Variants in ZNF91 observed in about 807,000 individuals in gnomAD.
ZNF91 encodes zinc finger protein 91, also known as zinc finger protein 91 (HPF7, HTF10).
A neutral mutation model predicts 12.6 loss-of-function variants in ZNF91; 7 were observed. That is an observed-to-expected ratio of 0.55 (90% CI 0.31 to 1.04). The LOEUF (loss-of-function observed/expected upper bound fraction) is 1.04. ZNF91 is among the 50% of genes least tolerant of loss of function. ZNF91 has a pLI of 0.05. For synonymous variants in ZNF91, 453 were observed against 462.6 expected (o/e 0.98, Z 0.27); for missense variants, 1,217 against 1,385.4 (o/e 0.88, Z 1.93).
At chr19:23,368,562 C>CTCTCTATATATA (rs768532900) in intron 3 of ZNF91, among the ~76,000 whole-genome samples, 7 of 118,630 alleles carry the variant, frequency 5.9e-5, no homozygotes, top group African/African-American at 2.0e-4. Context: ...CTCTCTCTCT[C>CTCTCTATATATA]TATATATATA....
chr19:23,326,053 T>G (rs1967830977), intron 1 of ZNF91: 1 of 152,290 alleles, frequency 6.6e-6, no homozygotes, highest in Non-Finnish European at 1.5e-5. Flanking sequence ...CTGCCTCTGT[T>G]GTTGCACGGG....
chr19:23,365,727 T>C (rs1389142421), intron 3 of ZNF91, among the ~76,000 whole-genome samples: 1 of 152,128 alleles, frequency 6.6e-6, no homozygotes, highest in Non-Finnish European at 1.5e-5. Flanking sequence ...TTCCGCAGTG[T>C]TTGTGTCCCT....
chr19:23,349,180 T>C (rs556387361), intron 3 of ZNF91, among the ~76,000 whole-genome samples: 11 of 152,276 alleles, frequency 7.2e-5, no homozygotes, highest in African/African-American at 2.6e-4. Context: ...TTGTGATCTT[T>C]TATTGCCCTT....
At chr19:23,388,970 G>C (rs572602460) in intron 1 of ZNF91, among the ~76,000 whole-genome samples, 22 of 152,140 alleles carry the variant, frequency 1.4e-4, no homozygotes, top group Non-Finnish European at 2.6e-4. Context: ...GAACACAGAG[G>C]GGAACAACAG....
At chr19:23,367,549 A>G (rs896739300) in intron 3 of ZNF91, among the ~76,000 whole-genome samples, 8 of 152,196 alleles carry the variant, frequency 5.3e-5, no homozygotes, top group African/African-American at 1.9e-4. Flanking sequence ...TTTTTAAAGA[A>G]ATACTGTTTG....
chr19:23,331,410 G>T (rs1211257176), intron 1 of ZNF91, among the ~76,000 whole-genome samples: 1 of 152,228 alleles, frequency 6.6e-6, no homozygotes, highest in Non-Finnish European at 1.5e-5. Flanking sequence ...TCTTAGGGTT[G>T]TCTGTAATAT....
At chr19:23,378,152 T>C (rs1969573622) in intron 1 of ZNF91, among the ~76,000 whole-genome samples, 1 of 152,246 alleles carries the variant, frequency 6.6e-6, no homozygotes, top group African/African-American at 2.4e-5. Flanking sequence ...ACACTGGTTT[T>C]AATATAAAAT....
intron 1 of ZNF91, chr19:23,385,294 C>A: frequency 2.1e-6 from 1 of 483,976 alleles, no homozygotes; most frequent in East Asian, 3.1e-5. Flanking sequence ...AAATAAGTAA[C>A]AGGATGCGAA....
chr19:23,336,013 G>A (rs143317287), downstream of ZNF91, among the ~76,000 whole-genome samples: 614 of 152,246 alleles, frequency 4.0e-3, 8 homozygotes, highest in African/African-American at 0.014. Flanking sequence ...GATAATTGTA[G>A]GGAAACAAGA....
intron 3 of ZNF91, among the ~76,000 whole-genome samples, chr19:23,366,163 A>ACCTC (rs1483710311): frequency 6.6e-6 from 1 of 151,414 alleles, no homozygotes; most frequent in Non-Finnish European, 1.5e-5. Flanking sequence ...GGCGCCCCTC[A>ACCTC]CCTCCCGGAT....
downstream of ZNF91, among the ~76,000 whole-genome samples, chr19:23,353,122 A>G (rs114817256): frequency 0.078 from 11,880 of 152,270 alleles, 592 homozygotes; most frequent in East Asian, 0.13. Flanking sequence ...AACAGATATT[A>G]GAAAACATTT....
At chr19:23,318,035 C>T (rs1286829420) in intron 1 of ZNF91, among the ~76,000 whole-genome samples, 1 of 152,202 alleles carries the variant, frequency 6.6e-6, no homozygotes, top group Non-Finnish European at 1.5e-5. Flanking sequence ...TTGCTAAACC[C>T]AGTACCTTCA....
chr19:23,386,110 G>T (rs1335234841), intron 1 of ZNF91, among the ~76,000 whole-genome samples: 1 of 151,998 alleles, frequency 6.6e-6, no homozygotes, highest in African/African-American at 2.4e-5. Flanking sequence ...AGCTAACCAG[G>T]AAGGTGAAAG....
At chr19:23,376,867 C>T (rs1969521984) in intron 1 of ZNF91, among the ~76,000 whole-genome samples, 1 of 152,150 alleles carries the variant, frequency 6.6e-6, no homozygotes, top group African/African-American at 2.4e-5. Flanking sequence ...TCTCCTCCTC[C>T]TCTCAAATTC....
At chr19:23,322,391 GCTCT>G (rs1967715825) in intron 1 of ZNF91, among the ~76,000 whole-genome samples, 1 of 152,134 alleles carries the variant, frequency 6.6e-6, no homozygotes, top group Non-Finnish European at 1.5e-5. Context: ...AACTGTTGTG[GCTCT>G]CTACTTTCTC....
chr19:23,383,588 C>T (rs964481826), intron 1 of ZNF91, among the ~76,000 whole-genome samples: 5 of 151,234 alleles, frequency 3.3e-5, no homozygotes, highest in Admixed American at 2.0e-4. Context: ...CTCAAGAGGC[C>T]GAGGAAGGAG....
At chr19:23,314,828 G>T (rs777568147), upstream of ZNF91, among the ~76,000 whole-genome samples, 4 of 152,172 alleles carry the variant, frequency 2.6e-5, no homozygotes, top group Non-Finnish European at 5.9e-5. Context: ...GCAATTTATT[G>T]CTGGGCACAG....
chr19:23,395,283 G>A, intron 1 of ZNF91, 42 bp downstream of exon 1: 6 of 1,608,946 alleles, frequency 3.7e-6, no homozygotes, highest in Non-Finnish European at 5.1e-6. Context: ...GTTTCAACGA[G>A]CCCCGTTCCC....
chr19:23,333,203 A>AT (rs777066216), intron 1 of ZNF91, among the ~76,000 whole-genome samples: 2 of 152,202 alleles, frequency 1.3e-5, no homozygotes, highest in Non-Finnish European at 2.9e-5. Flanking sequence ...CTGTACACTC[A>AT]TAAGTGTTTG....
Sources: gnomAD v4.1 joint callset for allele counts (sites outside exome capture counted in the v4.1 genomes callset) on GRCh38, gnomAD v4.1.1 for gene constraint, MANE v1.5 for transcripts, NCBI Gene and HGNC (gene_info 2026-07-23, HGNC 2026-07-21) for gene names.